Variants in DKK2 observed in about 807,000 individuals in gnomAD.
The protein encoded by DKK2 is dickkopf-related protein 2.
A neutral mutation model predicts 28.1 loss-of-function variants in DKK2; 11 were observed. That is an observed-to-expected ratio of 0.39 (90% CI 0.25 to 0.65). DKK2 has a LOEUF of 0.65. DKK2 is among the 30% of genes least tolerant of loss of function. The pLI is 0.47. For synonymous variants in DKK2, 135 were observed against 126.5 expected, an observed-to-expected ratio of 1.07 and a Z score of -0.45; for missense variants, 326 against 335.5, an observed-to-expected ratio of 0.97 and a Z score of 0.22.
chr4:106,988,505 C>T (rs1282854460), intron 1 of DKK2, among the ~76,000 whole-genome samples: 1 of 152,166 alleles, frequency 6.6e-6, no homozygotes, highest in African/African-American at 2.4e-5. Context: ...TGCTGTGATC[C>T]TGGAAGTTCC....
intron 1 of DKK2, among the ~76,000 whole-genome samples, chr4:106,932,587 T>A (rs1724520018): frequency 6.6e-6 from 1 of 152,152 alleles, no homozygotes; most frequent in Non-Finnish European, 1.5e-5. Context: ...TTTGTTTGTT[T>A]TAGACCCATC....
chr4:106,943,434 T>C (rs1724730898), intron 1 of DKK2, among the ~76,000 whole-genome samples: 1 of 152,010 alleles, frequency 6.6e-6, no homozygotes, highest in African/African-American at 2.4e-5. Context: ...ACAAAAATAC[T>C]CAATTAAGAA....
At chr4:106,992,125 G>A (rs948053891) in intron 1 of DKK2, among the ~76,000 whole-genome samples, 5 of 152,180 alleles carry the variant, frequency 3.3e-5, no homozygotes, top group African/African-American at 1.2e-4. Context: ...CTTATATCTG[G>A]TGAACAGATT....
At chr4:106,931,547 A>G (rs1174835333) in intron 1 of DKK2, among the ~76,000 whole-genome samples, 3 of 152,182 alleles carry the variant, frequency 2.0e-5, no homozygotes, top group African/African-American at 7.2e-5. Context: ...CAGTAATTTG[A>G]TATGAATAAA....
At chr4:107,014,293 A>G (rs1723559089) in intron 1 of DKK2, among the ~76,000 whole-genome samples, 1 of 151,616 alleles carries the variant, frequency 6.6e-6, no homozygotes, top group Non-Finnish European at 1.5e-5. Flanking sequence ...ACACAATAGA[A>G]TACTATTGAG....
chr4:106,987,184 T>C (rs1298106519), intron 1 of DKK2, among the ~76,000 whole-genome samples: 1 of 152,222 alleles, frequency 6.6e-6, no homozygotes, highest in African/African-American at 2.4e-5. Context: ...TTCATATACA[T>C]ATATGTGTGT....
chr4:106,999,909 C>T (rs1578373465), intron 1 of DKK2, among the ~76,000 whole-genome samples: 2 of 152,018 alleles, frequency 1.3e-5, no homozygotes, highest in South Asian at 2.1e-4. Context: ...GAAATAAATG[C>T]TTGTGAAAGG....
chr4:106,947,597 A>C (rs553029691), intron 1 of DKK2, among the ~76,000 whole-genome samples: 1 of 152,130 alleles, frequency 6.6e-6, no homozygotes, highest in East Asian at 1.9e-4. Context: ...GAACCTTTGT[A>C]CATATTTTCC....
intron 1 of DKK2, among the ~76,000 whole-genome samples, chr4:106,954,422 T>G (rs887158852): frequency 6.6e-6 from 1 of 152,238 alleles, no homozygotes; most frequent in Non-Finnish European, 1.5e-5. Context: ...AAGAGATGAC[T>G]ATTATGTTGC....
intron 1 of DKK2, among the ~76,000 whole-genome samples, chr4:106,978,896 C>A (rs1640940806): frequency 6.6e-6 from 1 of 152,006 alleles, no homozygotes; most frequent in Non-Finnish European, 1.5e-5. Flanking sequence ...GTGTAGGCAC[C>A]CGAGGGAATC....
At position 107,035,743 on chromosome 4, in the gene DKK2, C is replaced by T. The variant is rs1210816001; in HGVS notation, c.-152G>A. The T allele has an allele frequency of 2.2e-5, 16 of 715,922 alleles. No individual in the cohort carries two copies. The highest frequency in any genetic ancestry group is 3.4e-5 in the Non-Finnish European group (15 of 437,010). The allele number at this position is 715,922 out of a possible 1,614,324, so 44.3% of individuals were successfully genotyped here. A position where few individuals can be genotyped will look rare whatever the true frequency, so the allele number is the denominator to read the frequency against. ...CTTCCTGGTTCGGGGACCCAGGACC[C>T]TATGAACTCAGTCTCACGCCTCAGG... On this transcript the variant is annotated 5_prime_UTR_variant, in exon 1 of 4. Coordinates refer to ENST00000285311, the MANE Select transcript of DKK2 (RefSeq NM_014421.3).
In DKK2 at chr4:106,923,885, T is replaced by A; in HGVS notation, c.*69A>T. On this transcript the variant is annotated 3_prime_UTR_variant, in exon 4 of 4. Transcript: ENST00000285311. ...ATTCTTCTGCATCTGAACCTTATTT[T>A]CCACCATGCTATAATGCATTAAATA... 1.3e-6 allele frequency: 2 copies of A among 1,574,066 alleles called. No homozygotes were observed. The highest frequency in any genetic ancestry group is 1.7e-6 in the Non-Finnish European group (2 of 1,155,472).
chr4:107,001,512 C>A (rs1222987029), intron 1 of DKK2, among the ~76,000 whole-genome samples: 1 of 152,054 alleles, frequency 6.6e-6, no homozygotes, highest in East Asian at 1.9e-4. Flanking sequence ...AAGGAAATAG[C>A]TTTTAGAGGC....
At chr4:106,964,963 A>AGATG (rs201518189) in intron 1 of DKK2, among the ~76,000 whole-genome samples, 1 of 125,088 alleles carries the variant, frequency 8.0e-6, no homozygotes, top group Admixed American at 8.1e-5. Flanking sequence ...AGATAGATAT[A>AGATG]GATAGATAGA....
chr4:106,965,569 A>C (rs1284608887), intron 1 of DKK2, among the ~76,000 whole-genome samples: 2 of 152,080 alleles, frequency 1.3e-5, no homozygotes, highest in Non-Finnish European at 2.9e-5. Context: ...CTCAGTGAAA[A>C]TCCAGTGGTA....
chr4:106,959,691 TG>T (rs1722657451), intron 1 of DKK2, among the ~76,000 whole-genome samples: 1 of 152,122 alleles, frequency 6.6e-6, no homozygotes, highest in Admixed American at 6.6e-5. Flanking sequence ...TAAAAGATAT[TG>T]AAAAAAATTA....
At chr4:107,024,618 G>A (rs996829066) in intron 1 of DKK2, among the ~76,000 whole-genome samples, 1 of 152,056 alleles carries the variant, frequency 6.6e-6, no homozygotes, top group Non-Finnish European at 1.5e-5. Flanking sequence ...TAAATTCAGG[G>A]TGGCACGGTC....
intron 1 of DKK2, among the ~76,000 whole-genome samples, chr4:107,034,745 G>A (rs143418536): frequency 6.6e-5 from 10 of 152,298 alleles, no homozygotes; most frequent in African/African-American, 2.4e-4. Flanking sequence ...AAGAGAGTAA[G>A]TGGTTGGAAG....
In DKK2 at chr4:106,982,859, A is replaced by G. The variant is rs931178294; in HGVS notation, c.222+52511T>C. Reference sequence around the variant, plus strand: ...TCACAACTAGCCTGGGCAACATAGCAAGACTCCATCTCAAAAAAAAAAAAA... The same window carrying G: ...TCACAACTAGCCTGGGCAACATAGCGAGACTCCATCTCAAAAAAAAAAAAA... On this transcript the variant is annotated intron_variant, in intron 1 of 3. Transcript: ENST00000285311. 2.0e-5 allele frequency among the ~76,000 whole-genome samples: 3 copies of G among 148,438 alleles called. No individual in the cohort carries two copies. In the Admixed American group the frequency reaches 2.0e-4, roughly 10 times the overall value.
Sources: gnomAD v4.1 joint callset for allele counts (sites outside exome capture counted in the v4.1 genomes callset) on GRCh38, gnomAD v4.1.1 for gene constraint, MANE v1.5 for transcripts, NCBI Gene and HGNC (gene_info 2026-07-23, HGNC 2026-07-21) for gene names.